Variants in GSK3B observed in about 807,000 individuals in gnomAD.
The protein encoded by GSK3B is glycogen synthase kinase-3 beta.
In GSK3B, 15 loss-of-function variants were observed where a neutral mutation model predicts 56.4. The observed-to-expected ratio is 0.27, with a 90% CI of 0.18 to 0.41. The LOEUF is 0.41. Among genes scored for constraint, GSK3B ranks in the 10% least tolerant of loss-of-function variants. The pLI is 1.00. For synonymous variants in GSK3B, 181 were observed against 188.9 expected, an observed-to-expected ratio of 0.96 and a Z score of 0.34; for missense variants, 300 against 513.4, an observed-to-expected ratio of 0.58 and a Z score of 4.02.
chr3:119,994,018 T>C (rs543829338), intron 2 of GSK3B, among the ~76,000 whole-genome samples: 2 of 152,206 alleles, frequency 1.3e-5, no homozygotes, highest in East Asian at 3.9e-4. Flanking sequence ...CCCGCCACCA[T>C]GCCCAGCTAT....
At chr3:119,919,542 A>G (rs1387569090) in intron 4 of GSK3B, among the ~76,000 whole-genome samples, 1 of 151,512 alleles carries the variant, frequency 6.6e-6, no homozygotes, top group Non-Finnish European at 1.5e-5. Flanking sequence ...GAAAAAAAAA[A>G]AAAAGAAAAA....
At chr3:120,037,523 T>C (rs1430103222) in intron 1 of GSK3B, among the ~76,000 whole-genome samples, 1 of 152,120 alleles carries the variant, frequency 6.6e-6, no homozygotes, top group South Asian at 2.1e-4. Context: ...AGCAAGCCGG[T>C]AGTGTGTAAT....
chr3:119,852,747 G>T (rs753454009), intron 9 of GSK3B, among the ~76,000 whole-genome samples: 7 of 151,992 alleles, frequency 4.6e-5, no homozygotes, highest in Non-Finnish European at 1.0e-4. Context: ...AAATAATACT[G>T]CTCTTCACCC....
chr3:119,844,832 A>G (rs1412773280), intron 9 of GSK3B, among the ~76,000 whole-genome samples: 2 of 152,254 alleles, frequency 1.3e-5, no homozygotes, highest in Non-Finnish European at 2.9e-5. Flanking sequence ...TCATCCTGAT[A>G]GCAAAACCTG....
intron 1 of GSK3B, among the ~76,000 whole-genome samples, chr3:120,051,767 A>C (rs1576297461): frequency 9.9e-6 from 1 of 101,124 alleles, no homozygotes; most frequent in African/African-American, 3.9e-5. Flanking sequence ...ACTCTATCTC[A>C]AAAAAAAAAA....
At chr3:120,046,110 G>C (rs2058100364) in intron 1 of GSK3B, among the ~76,000 whole-genome samples, 1 of 151,910 alleles carries the variant, frequency 6.6e-6, no homozygotes, top group Non-Finnish European at 1.5e-5. Flanking sequence ...GGAGGAGGGG[G>C]ATGAGAAGGT....
chr3:119,935,068 CATTT>C (rs1444802470), intron 3 of GSK3B, among the ~76,000 whole-genome samples: 7 of 152,036 alleles, frequency 4.6e-5, no homozygotes, highest in Admixed American at 2.6e-4. Flanking sequence ...CTGTCAGTAA[CATTT>C]ATACTTTATG....
At chr3:119,971,194 T>G (rs554818438) in intron 2 of GSK3B, among the ~76,000 whole-genome samples, 38 of 152,332 alleles carry the variant, frequency 2.5e-4, no homozygotes, top group African/African-American at 9.1e-4. Context: ...TGCTGTAGGT[T>G]TTACTTATAG....
At chr3:119,963,350 A>T (rs776978540) in intron 2 of GSK3B, among the ~76,000 whole-genome samples, 34 of 152,204 alleles carry the variant, frequency 2.2e-4, no homozygotes, top group Non-Finnish European at 4.7e-4. Flanking sequence ...CTTAAAATTT[A>T]CATAGAATCA....
At chr3:120,063,749 C>T (rs868781331) in intron 1 of GSK3B, among the ~76,000 whole-genome samples, 4 of 138,492 alleles carry the variant, frequency 2.9e-5, no homozygotes, top group Non-Finnish European at 6.1e-5. Flanking sequence ...AAAAAAAAAT[C>T]GCAGCACTTT....
chr3:119,952,365 G>A (rs1381482226), intron 2 of GSK3B, among the ~76,000 whole-genome samples: 4 of 151,862 alleles, frequency 2.6e-5, no homozygotes, highest in Admixed American at 2.0e-4. Context: ...GCACACCCCT[G>A]TAATCCCAGC....
At chr3:119,854,805 T>A (rs539305779) in intron 9 of GSK3B, among the ~76,000 whole-genome samples, 7 of 152,318 alleles carry the variant, frequency 4.6e-5, no homozygotes, top group Admixed American at 4.6e-4. Flanking sequence ...TCGATTCTTC[T>A]CTCTTTTCTT....
chr3:119,881,468 T>C (rs2056378107), intron 7 of GSK3B, among the ~76,000 whole-genome samples: 1 of 152,182 alleles, frequency 6.6e-6, no homozygotes, highest in African/African-American at 2.4e-5. Flanking sequence ...TATTTGCATA[T>C]ACTTTTTCAT....
chr3:120,023,643 T>C (rs1244986005), intron 1 of GSK3B, among the ~76,000 whole-genome samples: 1 of 152,150 alleles, frequency 6.6e-6, no homozygotes, highest in African/African-American at 2.4e-5. Flanking sequence ...ATTTCCCTTA[T>C]CTTAAGACCC....
At chr3:119,838,398 A>G (rs1363410267) in intron 10 of GSK3B, among the ~76,000 whole-genome samples, 1 of 152,198 alleles carries the variant, frequency 6.6e-6, no homozygotes, top group East Asian at 1.9e-4. Context: ...TAGATACTAA[A>G]GCATTTTAAA....
chr3:120,002,009 G>A (rs201963553), intron 2 of GSK3B, 37 bp downstream of exon 2: 48 of 1,349,834 alleles, frequency 3.6e-5, no homozygotes, highest in South Asian at 2.3e-4. Context: ...TATGTATTAC[G>A]ACAGCAACAA....
chr3:119,842,116 T>C (rs1240701284), intron 10 of GSK3B, among the ~76,000 whole-genome samples: 1 of 152,196 alleles, frequency 6.6e-6, no homozygotes, highest in Non-Finnish European at 1.5e-5. Context: ...TCTGAGCCCT[T>C]AACTGTGCTA....
intron 4 of GSK3B, among the ~76,000 whole-genome samples, chr3:119,919,175 T>C (rs760065660): frequency 2.0e-5 from 3 of 152,176 alleles, no homozygotes; most frequent in East Asian, 3.8e-4. Context: ...GTATTACTCA[T>C]AGAAAATACT....
intron 1 of GSK3B, among the ~76,000 whole-genome samples, chr3:120,007,783 T>G (rs2057742507): frequency 6.6e-6 from 1 of 152,226 alleles, no homozygotes; most frequent in Non-Finnish European, 1.5e-5. Context: ...TAACAAGAGC[T>G]ATTTATGACA....
Sources: gnomAD v4.1 joint callset for allele counts (sites outside exome capture counted in the v4.1 genomes callset) on GRCh38, gnomAD v4.1.1 for gene constraint, MANE v1.5 for transcripts, NCBI Gene and HGNC (gene_info 2026-07-23, HGNC 2026-07-21) for gene names.